The following PDE6A variants were observed in gnomAD, a reference collection of about 807,000 sequenced individuals.
The protein encoded by PDE6A is phosphodiesterase 6A, also known as rod cGMP-specific 3',5'-cyclic phosphodiesterase subunit alpha.
A neutral mutation model predicts 106.3 loss-of-function variants in PDE6A; 84 were observed. The ratio of observed to expected loss-of-function variants is 0.79; its 90% CI spans 0.66 to 0.95. PDE6A has a LOEUF of 0.95. Among genes scored for constraint, PDE6A ranks in the 40% least tolerant of loss-of-function variants. PDE6A has a pLI of 0.00. For synonymous variants in PDE6A, 394 were observed against 386.6 expected, an observed-to-expected ratio of 1.02 and a Z score of -0.23; for missense variants, 1,052 against 1,084.9, an observed-to-expected ratio of 0.97 and a Z score of 0.43.
chr5:149,886,301 A>G lies in PDE6A; in HGVS notation c.1802T>C (p.Ile601Thr), dbSNP rs752872810. The G allele has an allele frequency of 9.9e-6, 16 of 1,614,010 alleles. No individual in the cohort carries two copies. Among genetic ancestry groups the G allele is most frequent in the African/African-American group, 1.3e-5 (1 of 74,934 alleles). ...GAGGTTATTGGTGCCTCTGTGGTCAATGTCATGGCAGAAAGCAGCAGTGAC... is the reference window on the plus strand; with the variant it reads ...GAGGTTATTGGTGCCTCTGTGGTCAGTGTCATGGCAGAAAGCAGCAGTGAC... ...AMVTAAFCHD[I>T]DHRGTNNLYQ... The change falls in exon 14 of 22, where the codon ATT becomes ACT. Residue 601 changes from isoleucine to threonine, a missense_variant. Coordinates refer to ENST00000255266, the MANE Select transcript of PDE6A (RefSeq NM_000440.3).
chr5:149,861,122 A>G, intron 21 of PDE6A, 151 bp from the exon 22 acceptor site: 1 of 701,100 alleles, frequency 1.4e-6, no homozygotes, highest in East Asian at 2.7e-5. Flanking sequence ...AGGTGTGAGG[A>G]GAATCACGGA....
chr5:149,910,666 C>A (rs1273389533), intron 6 of PDE6A, among the ~76,000 whole-genome samples: 2 of 152,034 alleles, frequency 1.3e-5, no homozygotes, highest in Admixed American at 1.3e-4. Flanking sequence ...ATACTTACAA[C>A]AATATGAATG....
rs74422303 is a variant in PDE6A at position 149,871,209 on chromosome 5, C to T, written c.2136-3051G>A. On this transcript the variant is annotated intron_variant, in intron 17 of 21. Coordinates refer to ENST00000255266, the MANE Select transcript of PDE6A (RefSeq NM_000440.3). ...GCAGCCCCCATCGTGGGGTCATGGG[C>T]TTCATCACCATAGAAGAACACACAG... is the stretch of plus-strand genomic sequence containing the variant. Among the ~76,000 whole-genome samples, 1,398 of 152,314 alleles carry T rather than the reference C, an allele frequency of 9.2e-3. 23 individuals are homozygous for T. Among genetic ancestry groups the T allele is most frequent in the African/African-American group, 0.032 (1,341 of 41,560 alleles).
chr5:149,883,603 A>T, intron 16 of PDE6A, 67 bp from the exon 17 acceptor site: 2 of 1,042,726 alleles, frequency 1.9e-6, no homozygotes, highest in Non-Finnish European at 3.0e-6. Context: ...AGCTGCTAAC[A>T]TTGGCTGATT....
intron 1 of PDE6A, among the ~76,000 whole-genome samples, chr5:149,942,162 T>G (rs943009404): frequency 6.6e-6 from 1 of 152,092 alleles, no homozygotes; most frequent in Admixed American, 6.6e-5. Context: ...GGGACCTCCC[T>G]GTGTTGCCCA....
chr5:149,925,251 C>A (rs756879501), intron 4 of PDE6A, among the ~76,000 whole-genome samples: 1 of 152,036 alleles, frequency 6.6e-6, no homozygotes, highest in Non-Finnish European at 1.5e-5. Flanking sequence ...AGCTTTCAGA[C>A]AGAGACTCAA....
At chr5:149,872,465 C>T (rs567108399) in intron 17 of PDE6A, among the ~76,000 whole-genome samples, 1 of 151,116 alleles carries the variant, frequency 6.6e-6, no homozygotes, top group Non-Finnish European at 1.5e-5. Context: ...GTGTAGAGCT[C>T]TCAAAAGCAA....
intron 1 of PDE6A, among the ~76,000 whole-genome samples, chr5:149,937,349 G>A (rs1466847132): frequency 6.6e-6 from 1 of 152,202 alleles, no homozygotes; most frequent in African/African-American, 2.4e-5. Flanking sequence ...TGGAGGCCAT[G>A]GGAAAGAGTT....
intron 20 of PDE6A, among the ~76,000 whole-genome samples, chr5:149,864,243 ATT>A (rs35610529): frequency 1.8e-4 from 27 of 148,462 alleles, no homozygotes; most frequent in African/African-American, 4.2e-4. Flanking sequence ...TGAGAAGATG[ATT>A]TTTTTTTTTT....
intron 17 of PDE6A, among the ~76,000 whole-genome samples, chr5:149,882,693 A>G (rs1760971560): frequency 6.6e-6 from 1 of 152,134 alleles, no homozygotes; most frequent in South Asian, 2.1e-4. Flanking sequence ...ATTGTGGGAT[A>G]TTGTCCTATG....
At chr5:149,902,443 T>G (rs978700174) in intron 8 of PDE6A, among the ~76,000 whole-genome samples, 2 of 151,534 alleles carry the variant, frequency 1.3e-5, no homozygotes, top group African/African-American at 2.4e-5. Context: ...GGCCCACCAC[T>G]GTAGCAAGTG....
In PDE6A at chr5:149,921,778, A is replaced by G. The variant is rs1228424303; in HGVS notation, c.859-69T>C. On this transcript the variant is annotated intron_variant, in intron 4 of 21. Transcript: ENST00000255266. ...CAAGGAAAGGAGATTAAGATGTCCC[A>G]CCTCCATGAGTCAGCTAACACTGAA... is the stretch of plus-strand genomic sequence containing the variant. The G allele has an allele frequency of 6.7e-6, 8 of 1,197,876 alleles. No homozygotes were observed. In the Admixed American group the frequency reaches 1.4e-4, roughly 22 times the overall value. The allele number at this position is 1,197,876 out of a possible 1,614,324, so 74.2% of individuals were successfully genotyped here.
At chr5:149,862,996 G>A (rs956292903) in intron 21 of PDE6A, 123 bp downstream of exon 21, 2 of 1,166,290 alleles carry the variant, frequency 1.7e-6, no homozygotes, top group African/African-American at 1.5e-5. Context: ...CACAGAATGG[G>A]GACAGTATTG....
intron 6 of PDE6A, among the ~76,000 whole-genome samples, chr5:149,908,248 A>T (rs1013238488): frequency 6.6e-6 from 1 of 152,200 alleles, no homozygotes; most frequent in Admixed American, 6.5e-5. Flanking sequence ...GACATCCCCC[A>T]TCCCTTCACT....
Position 149,904,198 on chromosome 5 carries a change from G to A in PDE6A, c.1066-503C>T, listed in dbSNP as rs191872866. Among the ~76,000 whole-genome samples the A allele has an allele frequency of 4.1e-4, 62 of 152,320 alleles. No individual in the cohort carries two copies. The South Asian group carries it at 0.012, about 30-fold the overall frequency. On this transcript the variant is annotated intron_variant, in intron 7 of 21. Transcript: ENST00000255266. ...GGAGGCAGAGGTTGCAGTGAGCCGA[G>A]ATCGTGCCACTGCACTCCAGCCTGA...
chr5:149,889,081 C>CAAAA (rs568428704), intron 13 of PDE6A, among the ~76,000 whole-genome samples: 14 of 61,580 alleles, frequency 2.3e-4, no homozygotes, highest in African/African-American at 7.1e-4. Context: ...GACTCTGTCT[C>CAAAA]AAAAAAAAAA....
At chr5:149,867,596 G>A (rs1760377126) in intron 19 of PDE6A, 129 bp downstream of exon 19, 1 of 831,568 alleles carries the variant, frequency 1.2e-6, no homozygotes, top group African/African-American at 1.7e-5. Flanking sequence ...CACATTTTTA[G>A]AACCACTGCA....
intron 13 of PDE6A, among the ~76,000 whole-genome samples, chr5:149,890,638 C>T (rs1752511628): frequency 6.6e-6 from 1 of 152,122 alleles, no homozygotes; most frequent in Admixed American, 6.5e-5. Flanking sequence ...AGATCTTTAA[C>T]CATGACCATG....
Position 149,899,456 on chromosome 5 carries a change from C to T in PDE6A, c.1182G>A (p.Lys394=). ...ATGTGGCCACTCCAACAATTTCTTC[C>T]TTCTTGTTCACAATCGGCATTGAAA... The part of the protein sequence containing the change: ...NVLSMPIVNK[K]EEIVGVATFY... Residue 394 remains lysine, a synonymous_variant, in exon 9 of 22, where the codon AAG becomes AAA. Transcript: ENST00000255266. 1 of 1,614,094 alleles carries T rather than the reference C, an allele frequency of 6.2e-7. No individual in the cohort carries two copies. Among genetic ancestry groups the T allele is most frequent in the South Asian group, 1.1e-5 (1 of 91,082 alleles).
Sources: allele counts gnomAD v4.1 joint callset (sites outside exome capture counted in the v4.1 genomes callset), GRCh38; gene constraint gnomAD v4.1.1; transcripts MANE v1.5; gene names NCBI Gene and HGNC (gene_info 2026-07-23, HGNC 2026-07-21).